Variants in RTN4 observed in about 807,000 individuals in gnomAD.
RTN4 encodes reticulon-4.
Under a neutral mutation model 90.4 loss-of-function variants are expected in RTN4, and 32 were observed. The observed-to-expected ratio is 0.35, with a 90% CI of 0.27 to 0.48. The LOEUF is 0.48. RTN4 is among the 20% of genes least tolerant of loss of function. The pLI is 0.99. For synonymous variants in RTN4, 629 were observed against 552.5 expected (o/e 1.14, Z -1.94); for missense variants, 1,706 against 1,430.2 (o/e 1.19, Z -3.11).
chr2:55,047,740 T>C (rs1279403522), intron 1 of RTN4, among the ~76,000 whole-genome samples: 2 of 152,210 alleles, frequency 1.3e-5, no homozygotes, highest in Non-Finnish European at 2.9e-5. Flanking sequence ...AAGTAGCAAG[T>C]ACTTATGAAT....
intron 1 of RTN4, chr2:55,048,975 C>T (rs188878627): frequency 5.2e-6 from 2 of 386,750 alleles, no homozygotes; most frequent in Non-Finnish European, 7.1e-6. Context: ...CAGAACTACG[C>T]CCCCTCGAAC....
the RTN4 span, among the ~76,000 whole-genome samples, chr2:55,118,383 G>T: frequency 0.68 from 102,609 of 151,678 alleles, 34,949 homozygotes; most frequent in African/African-American, 0.75. Flanking sequence ...GAGGATCGCT[G>T]GAGCTCAAGA....
At chr2:55,135,897 T>A in the RTN4 span, among the ~76,000 whole-genome samples, 1 of 152,238 alleles carries the variant, frequency 6.6e-6, no homozygotes, top group Non-Finnish European at 1.5e-5. Flanking sequence ...CAGTAGTTCA[T>A]TCCTTCTTAT....
the RTN4 span, among the ~76,000 whole-genome samples, chr2:55,124,981 T>C: frequency 3.7e-4 from 56 of 152,268 alleles, no homozygotes; most frequent in East Asian, 0.011. Context: ...CCCTGTTCAA[T>C]AAATGATGCT....
chr2:55,098,555 G>T (rs972337134), intron 1 of RTN4, among the ~76,000 whole-genome samples: 2 of 151,888 alleles, frequency 1.3e-5, no homozygotes, highest in Non-Finnish European at 2.9e-5. Flanking sequence ...TAAAAGAGAA[G>T]AGTTTTTTAA....
chr2:55,044,121 A>G (rs1192096696), intron 1 of RTN4, among the ~76,000 whole-genome samples: 2 of 151,324 alleles, frequency 1.3e-5, no homozygotes, highest in Non-Finnish European at 2.9e-5. Context: ...ACTTGAGCCC[A>G]GAAGATGAGG....
At chr2:54,993,159 T>C (rs1426631929) in intron 3 of RTN4, among the ~76,000 whole-genome samples, 1 of 152,146 alleles carries the variant, frequency 6.6e-6, no homozygotes, top group Non-Finnish European at 1.5e-5. Flanking sequence ...TTTTTATCTC[T>C]GCATAACGGG....
intron 1 of RTN4, among the ~76,000 whole-genome samples, chr2:55,107,203 T>A (rs77185019): frequency 6.8e-6 from 1 of 147,322 alleles, no homozygotes; most frequent in South Asian, 2.1e-4. Flanking sequence ...GTTGCGTGTA[T>A]TTTTTTTTTT....
At chr2:54,989,913 A>G (rs1678867694) in intron 3 of RTN4, among the ~76,000 whole-genome samples, 1 of 152,146 alleles carries the variant, frequency 6.6e-6, no homozygotes, top group Admixed American at 6.5e-5. Flanking sequence ...TTAGGAGGGT[A>G]CAGTGAGAGA....
intron 2 of RTN4, among the ~76,000 whole-genome samples, chr2:55,066,384 G>A (rs1481725826): frequency 6.6e-6 from 1 of 151,992 alleles, no homozygotes; most frequent in African/African-American, 2.4e-5. Flanking sequence ...TCTTTTTAAT[G>A]CTCTCTTTAT....
At chr2:54,988,673 CTTCT>C (rs1407651001) in intron 3 of RTN4, among the ~76,000 whole-genome samples, 1 of 152,150 alleles carries the variant, frequency 6.6e-6, no homozygotes, top group African/African-American at 2.4e-5. Context: ...AAGCTACTTC[CTTCT>C]AAGAGTTGAT....
At chr2:55,089,186 C>A (rs1163499323) in intron 1 of RTN4, among the ~76,000 whole-genome samples, 1 of 152,142 alleles carries the variant, frequency 6.6e-6, no homozygotes, top group African/African-American at 2.4e-5. Context: ...GCATGAGCCA[C>A]CGCGCCGGGC....
At chr2:55,075,471 C>T (rs1668583651) in intron 2 of RTN4, among the ~76,000 whole-genome samples, 1 of 152,172 alleles carries the variant, frequency 6.6e-6, no homozygotes, top group Non-Finnish European at 1.5e-5. Context: ...ACATCCCATG[C>T]TTATGGATGA....
chr2:55,114,926 G>A (rs906507164), upstream of RTN4, among the ~76,000 whole-genome samples: 5 of 151,908 alleles, frequency 3.3e-5, no homozygotes, highest in Non-Finnish European at 7.4e-5. Context: ...CGAGATAGAG[G>A]TATTTATTAA....
intron 1 of RTN4, among the ~76,000 whole-genome samples, chr2:55,089,839 C>A (rs1668905963): frequency 6.6e-6 from 1 of 152,190 alleles, no homozygotes. Flanking sequence ...CCTCTCCAGG[C>A]ATGTGGTAAA....
chr2:55,050,329 T>G lies in RTN4; in HGVS notation c.-29A>C. On this transcript the variant is annotated 5_prime_UTR_variant, in exon 1 of 9. Coordinates refer to ENST00000337526, the MANE Select transcript of RTN4 (RefSeq NM_020532.5). This position sits in a 1 kb window ranked among gnomAD's most constrained non-coding sequence, Gnocchi z 4.6. ...TGGAGGGTGGAGATGATGCTGCAGCTGCTGCCGCCGCCGCCGGGGCCGCGT... is the reference window on the plus strand; with the variant it reads ...TGGAGGGTGGAGATGATGCTGCAGCGGCTGCCGCCGCCGCCGGGGCCGCGT... 6 of 1,332,992 alleles carry G rather than the reference T, an allele frequency of 4.5e-6. No homozygotes were observed. Among genetic ancestry groups the G allele is most frequent in the Non-Finnish European group, 5.8e-6 (6 of 1,027,972 alleles). The allele number at this position is 1,332,992 out of a possible 1,614,324, so 82.6% of individuals were successfully genotyped here.
chr2:55,080,773 A>G (rs1642661147), intron 1 of RTN4: 1 of 152,204 alleles, frequency 6.6e-6, no homozygotes, highest in South Asian at 2.1e-4. Flanking sequence ...ATAAATAGCC[A>G]GTAAAGTGTT....
chr2:55,001,160 T>C (rs1001473994), intron 3 of RTN4, among the ~76,000 whole-genome samples: 2 of 151,992 alleles, frequency 1.3e-5, no homozygotes, highest in African/African-American at 4.8e-5. Context: ...AAGCCAAACA[T>C]AAAGATGTGA....
chr2:55,027,247 G>A lies in RTN4; in HGVS notation c.852C>T (p.Leu284=), dbSNP rs775366083. The change falls in exon 3 of 9, where the codon CTC becomes CTT. Residue 284 remains leucine, a synonymous_variant. Transcript: ENST00000337526. ...KEVSEKAKTL[L]IDRDLTEFSE... ...AAAACTCTGTTAAATCTCTATCTAT[G>A]AGTAGAGTTTTTGCCTTCTCTGAGA... The A allele has an allele frequency of 2.5e-6, 4 of 1,613,704 alleles. No individual in the cohort carries two copies. Among genetic ancestry groups the A allele is most frequent in the Non-Finnish European group, 3.4e-6 (4 of 1,179,802 alleles).
Sources: gnomAD v4.1 joint callset for allele counts (sites outside exome capture counted in the v4.1 genomes callset) on GRCh38, gnomAD v4.1.1 for gene constraint, Gnocchi (gnomAD v3.1) non-coding constraint, MANE v1.5 for transcripts, NCBI Gene and HGNC (gene_info 2026-07-23, HGNC 2026-07-21) for gene names.